CLPSL2: variants seen among roughly 807,000 people sequenced by gnomAD.
CLPSL2 encodes colipase-like protein 2.
In CLPSL2, 4 loss-of-function variants were observed where a neutral mutation model predicts 7.9. That is an observed-to-expected ratio of 0.50 (90% CI 0.25 to 1.15). The LOEUF is 1.15. CLPSL2 is among the 50% of genes most tolerant of loss of function. The pLI is 0.15. For synonymous variants in CLPSL2, 67 were observed against 53.1 expected, an observed-to-expected ratio of 1.26 and a Z score of -1.14; for missense variants, 132 against 136.6, an observed-to-expected ratio of 0.97 and a Z score of 0.17.
chr6:35,777,688 C>T (rs1038589423), intron 2 of CLPSL2, 107 bp downstream of exon 2: 35 of 1,286,288 alleles, frequency 2.7e-5, no homozygotes, highest in Non-Finnish European at 3.7e-5. Context: ...CTGGAGTGCC[C>T]TTCTTCTTCT....
intron 2 of CLPSL2, chr6:35,777,790 C>A: frequency 1.4e-6 from 1 of 720,572 alleles, no homozygotes; most frequent in South Asian, 1.5e-5. Context: ...ACCCTGGGGT[C>A]AGACCCTCAG....
Position 35,779,434 on chromosome 6 carries a change from G to T in CLPSL2, c.287G>T (p.Arg96Leu). ...CISKDLMCSRRCHMI is the reference protein window; with the variant it reads ...CISKDLMCSRLCHMI The stretch of plus-strand genomic sequence containing the variant: ...TCCAAGGACTTGATGTGTTCCCGCC[G>T]GTGCCATATGATTTAGAGGAAGATG... Residue 96 changes from arginine (R) to leucine (L), a missense_variant, in exon 3 of 3, where the codon CGG becomes CTG. Arg to Leu is a moderately radical substitution (Grantham distance 102). Coordinates refer to ENST00000403376, the MANE Select transcript of CLPSL2 (RefSeq NM_207409.4). The T allele has an allele frequency of 1.3e-6, 2 of 1,582,172 alleles. No homozygotes were observed. The highest frequency in any genetic ancestry group is 1.8e-5 in the Admixed American group (1 of 54,900).
intron 2 of CLPSL2, among the ~76,000 whole-genome samples, chr6:35,778,715 G>T (rs1346360936): frequency 2.0e-5 from 3 of 152,230 alleles, no homozygotes; most frequent in Non-Finnish European, 2.9e-5. Flanking sequence ...TCCCTGTGTG[G>T]GGAGTTGCCA....
At chr6:35,777,811 A>G (rs931724692) in intron 2 of CLPSL2, 7 of 717,756 alleles carry the variant, frequency 9.8e-6, no homozygotes, top group Admixed American at 2.0e-5. Flanking sequence ...CAGACCATGT[A>G]TCTCCCTAAC....
chr6:35,777,151 C>A (rs1339678992), intron 1 of CLPSL2, among the ~76,000 whole-genome samples: 3 of 152,114 alleles, frequency 2.0e-5, no homozygotes, highest in Non-Finnish European at 4.4e-5. Flanking sequence ...CATTCTCATC[C>A]CCCAACCCTG....
Position 35,778,029 on chromosome 6 carries a change from C to T in CLPSL2, c.207+448C>T, listed in dbSNP as rs1372939120. The T allele has an allele frequency of 1.9e-5, 12 of 628,434 alleles. No individual in the cohort carries two copies. In the East Asian group the frequency reaches 3.7e-4, roughly 19 times the overall value. 38.9% of individuals were successfully genotyped at this position (628,434 alleles called of 1,614,324 possible). The stretch of plus-strand genomic sequence containing the variant: ...AGAGTGCAATGGCATGATCTCGGCT[C>T]ACTGCAACCTCTGCCTCCTGGGTTC... On this transcript the variant is annotated intron_variant, in intron 2 of 2. Transcript: ENST00000403376.
intron 1 of CLPSL2, 144 bp from the exon 2 acceptor site, chr6:35,777,315 G>A (rs1001767047): frequency 2.3e-6 from 2 of 853,814 alleles, no homozygotes; most frequent in South Asian, 1.7e-5. Flanking sequence ...GGGCTGGGGG[G>A]GGAACCAGCC....
Position 35,776,711 on chromosome 6 carries a change from G to A in CLPSL2, c.84+9G>A, listed in dbSNP as rs1440954762. On this transcript the variant is annotated intron_variant, in intron 1 of 2. Coordinates refer to ENST00000403376, the MANE Select transcript of CLPSL2 (RefSeq NM_207409.4). ...TTCCGCAATATAAAAAGGTGAGCCG[G>A]GGAGCGCGCCCAGCCGGCCGCGACC... 1 of 1,386,172 alleles carries A rather than the reference G, an allele frequency of 7.2e-7. No individual in the cohort carries two copies. Among genetic ancestry groups the A allele is most frequent in the Non-Finnish European group, 9.3e-7 (1 of 1,074,626 alleles). 85.9% of individuals were successfully genotyped at this position (1,386,172 alleles called of 1,614,324 possible).
In CLPSL2 at chr6:35,776,628, G is replaced by A; in HGVS notation, c.10G>A (p.Ala4Thr). The change falls in exon 1 of 3, where the codon GCC becomes ACC. Residue 4 changes from alanine (A) to threonine (T), a missense_variant. Transcript: ENST00000403376. ...TCTGCCGCCCAGGCCCATGGCCGCA[G>A]CCCTGGCGCTCGTGGCGGGGGTCCT... MAA[A>T]LALVAGVLSG... The A allele has an allele frequency of 6.7e-7, 1 of 1,499,640 alleles. No homozygotes were observed. The highest frequency in any genetic ancestry group is 8.8e-7 in the Non-Finnish European group (1 of 1,131,790). The allele number at this position is 1,499,640 out of a possible 1,614,324, so 92.9% of individuals were successfully genotyped here. A position where few individuals can be genotyped will look rare whatever the true frequency, so the allele number is the denominator to read the frequency against.
At chr6:35,778,414 C>A (rs146663273) in intron 2 of CLPSL2, among the ~76,000 whole-genome samples, 1 of 152,236 alleles carries the variant, frequency 6.6e-6, no homozygotes, top group Non-Finnish European at 1.5e-5. Context: ...CACAGCTTTG[C>A]AGTTGGACCT....
chr6:35,778,154 C>T (rs1767884065), intron 2 of CLPSL2, among the ~76,000 whole-genome samples: 1 of 152,104 alleles, frequency 6.6e-6, no homozygotes, highest in African/African-American at 2.4e-5. Context: ...TGGGGTTTTG[C>T]CATGTTGGCC....
At chr6:35,778,611 G>A (rs1395763690) in intron 2 of CLPSL2, among the ~76,000 whole-genome samples, 1 of 152,142 alleles carries the variant, frequency 6.6e-6, no homozygotes, top group Non-Finnish European at 1.5e-5. Flanking sequence ...CTCGCTTTTA[G>A]GAATGCAGGG....
chr6:35,776,738 CAGGA>C, intron 1 of CLPSL2, 36 bp downstream of exon 1: 1 of 1,355,644 alleles, frequency 7.4e-7, no homozygotes, highest in Non-Finnish European at 9.5e-7. Context: ...GCCGCGACCG[CAGGA>C]GAGGGTGGCC....
intron 2 of CLPSL2, 145 bp downstream of exon 2, chr6:35,777,726 C>T (rs1307098040): frequency 3.2e-6 from 3 of 925,164 alleles, no homozygotes; most frequent in Non-Finnish European, 5.0e-6. Flanking sequence ...ACTCATGGTG[C>T]AAAACAACTC....
rs1040838350 is a variant in CLPSL2 at position 35,779,418 on chromosome 6, T to C, written c.271T>C (p.Leu91=). The change falls in exon 3 of 3, where the codon TTG becomes CTG. Residue 91 remains leucine, a synonymous_variant. Coordinates refer to ENST00000403376, the MANE Select transcript of CLPSL2 (RefSeq NM_207409.4). ...GGGCTTGACGTGCATATCCAAGGAC[T>C]TGATGTGTTCCCGCCGGTGCCATAT... is the stretch of plus-strand genomic sequence containing the variant. ...RMGLTCISKD[L]MCSRRCHMI 1.9e-6 allele frequency: 3 copies of C among 1,581,514 alleles called. No individual in the cohort carries two copies. The Admixed American group carries it at 5.4e-5, about 29-fold the overall frequency.
intron 1 of CLPSL2, 92 bp downstream of exon 1, chr6:35,776,794 G>A: frequency 1.7e-6 from 2 of 1,180,966 alleles, no homozygotes; most frequent in Non-Finnish European, 2.2e-6. Context: ...CGGGCAGCCT[G>A]AAAGGGAGAG....
chr6:35,777,455 A>G lies in CLPSL2; in HGVS notation c.85-4A>G. 4 of 1,612,348 alleles carry G rather than the reference A, an allele frequency of 2.5e-6. No homozygotes were observed. The highest frequency in any genetic ancestry group is 3.4e-6 in the Non-Finnish European group (4 of 1,179,250). ...CCTGGCAGACATTCTGCCTGTCCCC[A>G]CAGAAAATCACAGACAGGTGCTTCC... On this transcript the variant is annotated splice_region_variant and splice_polypyrimidine_tract_variant and intron_variant, in intron 1 of 2. Coordinates refer to ENST00000403376, the MANE Select transcript of CLPSL2 (RefSeq NM_207409.4).
intron 1 of CLPSL2, 35 bp from the exon 2 acceptor site, chr6:35,777,424 T>C (rs573387665): frequency 4.3e-6 from 7 of 1,609,566 alleles, no homozygotes; most frequent in Non-Finnish European, 5.9e-6. Flanking sequence ...CAGGGATTGC[T>C]CCCAGCCTGG....
intron 2 of CLPSL2, chr6:35,777,937 C>G (rs1163087436): frequency 1.4e-6 from 1 of 716,582 alleles, no homozygotes; most frequent in East Asian, 2.7e-5. Context: ...ATAGTAGGTG[C>G]TCAATAAATG....
Sources: allele counts gnomAD v4.1 joint callset (sites outside exome capture counted in the v4.1 genomes callset), GRCh38; gene constraint gnomAD v4.1.1; transcripts MANE v1.5; gene names NCBI Gene and HGNC (gene_info 2026-07-23, HGNC 2026-07-21).